PDE4B: variants seen among roughly 807,000 people sequenced by gnomAD.
The protein encoded by PDE4B is phosphodiesterase 4B.
PDE4B carries 20 observed loss-of-function variants against 82.2 expected under a neutral mutation model. The ratio of observed to expected loss-of-function variants is 0.24; its 90% CI spans 0.17 to 0.35. PDE4B has a LOEUF of 0.35. Ranked by LOEUF, PDE4B falls within the 10% of genes least tolerant of loss-of-function variation. The pLI is 1.00. For missense variants in PDE4B, 655 were observed against 907.2 expected (o/e 0.72, Z 3.57); for synonymous variants, 320 against 318.9 (o/e 1.00, Z -0.04).
intron 6 of PDE4B, among the ~76,000 whole-genome samples, chr1:66,259,934 C>G (rs1009250877): frequency 6.6e-6 from 1 of 152,252 alleles, no homozygotes; most frequent in South Asian, 2.1e-4. Flanking sequence ...GCTAATTACT[C>G]TCTCTATATC....
At chr1:66,252,520 G>T (rs1186251391) in intron 4 of PDE4B, among the ~76,000 whole-genome samples, 1 of 152,138 alleles carries the variant, frequency 6.6e-6, no homozygotes, top group African/African-American at 2.4e-5. Context: ...CCAAAGCAAA[G>T]CCTATTTTAT....
chr1:66,142,191 G>T (rs1570330775), intron 3 of PDE4B, among the ~76,000 whole-genome samples: 2 of 152,206 alleles, frequency 1.3e-5, no homozygotes, highest in African/African-American at 2.4e-5. Context: ...GGAAGAGGAA[G>T]GGGGTGGTCT....
chr1:66,164,559 A>AG (rs772831285), intron 3 of PDE4B, among the ~76,000 whole-genome samples: 85 of 125,056 alleles, frequency 6.8e-4, no homozygotes, highest in Non-Finnish European at 9.6e-4. Context: ...AAAAAAAAAA[A>AG]AAAGAAAGAA....
intron 4 of PDE4B, chr1:66,257,365 G>T (rs1031429335): frequency 3.6e-6 from 2 of 553,204 alleles, no homozygotes; most frequent in African/African-American, 3.8e-5. Context: ...CTCTGGATCT[G>T]TTATTTAATG....
chr1:66,249,732 G>A (rs2101681870), intron 4 of PDE4B, among the ~76,000 whole-genome samples: 1 of 134,958 alleles, frequency 7.4e-6, no homozygotes, highest in Middle Eastern at 3.7e-3. Context: ...ATTTAGGCAA[G>A]TAAAAATTAT....
At chr1:66,224,992 C>G (rs1651319319) in intron 3 of PDE4B, among the ~76,000 whole-genome samples, 1 of 152,204 alleles carries the variant, frequency 6.6e-6, no homozygotes, top group Non-Finnish European at 1.5e-5. Flanking sequence ...TGTGTTCTGC[C>G]TTTTCTTTGG....
chr1:66,296,138 G>A (rs1370511344), intron 7 of PDE4B, among the ~76,000 whole-genome samples: 2 of 152,046 alleles, frequency 1.3e-5, no homozygotes, highest in Non-Finnish European at 2.9e-5. Context: ...CTTTATCTCA[G>A]CCTTATCATG....
chr1:65,917,689 G>T (rs1420939689), intron 2 of PDE4B, among the ~76,000 whole-genome samples: 1 of 152,080 alleles, frequency 6.6e-6, no homozygotes. Flanking sequence ...ATTAATGTCA[G>T]CATTAGGGCA....
chr1:66,106,261 A>G (rs1645352810), intron 3 of PDE4B, among the ~76,000 whole-genome samples: 3 of 151,722 alleles, frequency 2.0e-5, no homozygotes, highest in South Asian at 2.1e-4. Flanking sequence ...TGTATATTGA[A>G]CCAGCCTTGC....
intron 3 of PDE4B, among the ~76,000 whole-genome samples, chr1:65,966,877 A>C (rs1649864667): frequency 6.6e-6 from 1 of 152,222 alleles, no homozygotes. Context: ...ACCTTATATA[A>C]AAATTAACTC....
At chr1:66,224,620 G>A (rs1651282557) in intron 3 of PDE4B, among the ~76,000 whole-genome samples, 2 of 152,226 alleles carry the variant, frequency 1.3e-5, no homozygotes, top group Non-Finnish European at 2.9e-5. Flanking sequence ...TCAGGAGGCT[G>A]AGGCAGGAGA....
In PDE4B at chr1:66,368,045, A is replaced by G; in HGVS notation, c.1642A>G (p.Asn548Asp). Reference protein sequence around the residue: ...VTSSGVLLLDNYTDRIQVLRN... With the variant: ...VTSSGVLLLDDYTDRIQVLRN... ...AAGTTCAGGCGTTCTTCTCCTAGAC[A>G]ACTATACCGATCGCATTCAGGTATT... The change falls in exon 15 of 17, where the codon AAC becomes GAC. Residue 548 changes from asparagine (N) to aspartate (D), a missense_variant. This residue lies in a region of PDE4B where 283 missense variants were observed against 516.4 expected (regional missense o/e 0.55). Coordinates refer to ENST00000341517, the MANE Select transcript of PDE4B (RefSeq NM_002600.4). 1 of 1,613,844 alleles carries G rather than the reference A, an allele frequency of 6.2e-7. No homozygotes were observed. The highest frequency in any genetic ancestry group is 8.5e-7 in the Non-Finnish European group (1 of 1,179,812).
chr1:66,004,808 A>G (rs75552502), intron 3 of PDE4B, among the ~76,000 whole-genome samples: 6,005 of 152,066 alleles, frequency 0.039, 393 homozygotes, highest in African/African-American at 0.14. Flanking sequence ...GTTTCCTGGC[A>G]CCACCACTTA....
chr1:66,350,702 T>A (rs759360704), intron 8 of PDE4B, among the ~76,000 whole-genome samples: 3 of 152,222 alleles, frequency 2.0e-5, no homozygotes, highest in Non-Finnish European at 4.4e-5. Context: ...TTAGTTTAAC[T>A]AAGAACTCAT....
chr1:66,105,200 C>A (rs531320411), intron 3 of PDE4B, among the ~76,000 whole-genome samples: 1 of 146,860 alleles, frequency 6.8e-6, no homozygotes, highest in African/African-American at 2.5e-5. Context: ...ATAGGGAATC[C>A]TTTCCCCATT....
intron 3 of PDE4B, among the ~76,000 whole-genome samples, chr1:66,067,649 T>G (rs1177408858): frequency 2.0e-5 from 3 of 152,144 alleles, no homozygotes; most frequent in Non-Finnish European, 2.9e-5. Flanking sequence ...GCCTGTTCAC[T>G]CTGATGGTAG....
At chr1:65,862,400 G>T (rs553755748) in intron 1 of PDE4B, among the ~76,000 whole-genome samples, 1 of 152,226 alleles carries the variant, frequency 6.6e-6, no homozygotes, top group South Asian at 2.1e-4. Flanking sequence ...GGATGAAGCT[G>T]ACTTGATCGT....
At chr1:65,830,586 A>C (rs574959855) in intron 1 of PDE4B, among the ~76,000 whole-genome samples, 2 of 152,320 alleles carry the variant, frequency 1.3e-5, no homozygotes, top group Non-Finnish European at 2.9e-5. Context: ...TTGAATGAGA[A>C]AACCACCAGA....
chr1:66,009,562 C>T (rs980441263), intron 3 of PDE4B, among the ~76,000 whole-genome samples: 1 of 152,144 alleles, frequency 6.6e-6, no homozygotes, highest in Admixed American at 6.6e-5. Flanking sequence ...TATTACTTCT[C>T]CAACTCCTTT....
Sources: gnomAD v4.1 joint callset for allele counts (sites outside exome capture counted in the v4.1 genomes callset) on GRCh38, gnomAD v4.1.1 for gene constraint, gnomAD v4.1.1 regional missense constraint, MANE v1.5 for transcripts, NCBI Gene and HGNC (gene_info 2026-07-23, HGNC 2026-07-21) for gene names.